The following MEMO1 variants were observed in gnomAD, a reference collection of about 807,000 sequenced individuals.
MEMO1 encodes mediator of cell motility 1.
Under a neutral mutation model 45.2 loss-of-function variants are expected in MEMO1, and 6 were observed. That is an observed-to-expected ratio of 0.13 (90% CI 0.07 to 0.26). The LOEUF (loss-of-function observed/expected upper bound fraction) is 0.26, where lower values mean the gene tolerates loss of function less well. Among genes scored for constraint, MEMO1 ranks in the 10% least tolerant of loss-of-function variants. MEMO1 has a pLI of 1.00. For missense variants in MEMO1, 184 were observed against 370.5 expected, an observed-to-expected ratio of 0.50 and a Z score of 4.13; for synonymous variants, 78 against 124.3, an observed-to-expected ratio of 0.63 and a Z score of 2.48.
At chr2:31,903,290 A>T (rs1319796569) in intron 6 of MEMO1, among the ~76,000 whole-genome samples, 1 of 152,096 alleles carries the variant, frequency 6.6e-6, no homozygotes, top group Non-Finnish European at 1.5e-5. Flanking sequence ...CTGTAACAAC[A>T]ACTACAGTTA....
At chr2:31,957,554 G>A (rs1667546396) in intron 2 of MEMO1, among the ~76,000 whole-genome samples, 1 of 152,008 alleles carries the variant, frequency 6.6e-6, no homozygotes, top group Non-Finnish European at 1.5e-5. Flanking sequence ...TTCCCTATTA[G>A]CAAAAAGGAA....
intron 6 of MEMO1, among the ~76,000 whole-genome samples, chr2:31,914,219 T>C (rs1442814802): frequency 6.6e-6 from 1 of 151,992 alleles, no homozygotes; most frequent in Non-Finnish European, 1.5e-5. Context: ...AGACAAATTA[T>C]CTCCACTGAC....
chr2:31,974,090 GCTCCCTCC>G lies in MEMO1; in HGVS notation c.62-30715_62-30708del, dbSNP rs926861235. ...AGAAACTGCTAATTGTTTCTCGCTC[GCTCCCTCC>G]CTCCCTCCCTCCAATCTTTTGTAAC... On this transcript the variant is annotated intron_variant, in intron 2 of 9. Coordinates refer to ENST00000404530, the MANE Select transcript of MEMO1 (RefSeq NM_001301833.4). Among the ~76,000 whole-genome samples, 16 of 151,982 alleles carry G rather than the reference GCTCCCTCC, an allele frequency of 1.1e-4. No individual in the cohort carries two copies. The South Asian group carries it at 2.7e-3, about 26-fold the overall frequency.
At chr2:31,984,731 G>A (rs1230468303) in intron 2 of MEMO1, among the ~76,000 whole-genome samples, 4 of 152,314 alleles carry the variant, frequency 2.6e-5, no homozygotes, top group African/African-American at 9.6e-5. Context: ...GTGTGAACCC[G>A]GGAGACAGAG....
chr2:31,900,470 G>A (rs1678617423), intron 6 of MEMO1, among the ~76,000 whole-genome samples: 3 of 151,980 alleles, frequency 2.0e-5, no homozygotes, highest in African/African-American at 7.3e-5. Flanking sequence ...CATTAACTGG[G>A]GCTTTAACAG....
At chr2:31,976,786 A>C (rs1670053583) in intron 2 of MEMO1, among the ~76,000 whole-genome samples, 1 of 152,148 alleles carries the variant, frequency 6.6e-6, no homozygotes, top group Middle Eastern at 3.2e-3. Context: ...AAAATATTTC[A>C]AGCAAGAGTA....
intron 2 of MEMO1, among the ~76,000 whole-genome samples, chr2:31,995,217 C>G (rs757990974): frequency 6.6e-6 from 1 of 151,908 alleles, no homozygotes; most frequent in Admixed American, 6.6e-5. Flanking sequence ...TTTGGGAGGC[C>G]GAGGCGGGTG....
At chr2:31,923,338 A>C (rs900739205) in intron 4 of MEMO1, among the ~76,000 whole-genome samples, 1 of 152,080 alleles carries the variant, frequency 6.6e-6, no homozygotes, top group Non-Finnish European at 1.5e-5. Context: ...CGTTAATTTA[A>C]GTTCCTTATA....
In MEMO1 at chr2:31,993,949, C is replaced by CTTTTTTTTTT. The variant is rs397800267; in HGVS notation, c.61+16228_61+16237dup. ...AATACAGAAATATCATCAATACTTTCTTTTTTTTTTTTTTTTTTTTTTTTT... is the reference window on the plus strand; with the variant it reads ...AATACAGAAATATCATCAATACTTTCTTTTTTTTTTTTTTTTTTTTTTTTTTTTTTTTTTT... On this transcript the variant is annotated intron_variant, in intron 2 of 9. Transcript: ENST00000404530. 6.1e-4 allele frequency among the ~76,000 whole-genome samples: 45 copies of CTTTTTTTTTT among 73,606 alleles called. 9 individuals are homozygous for CTTTTTTTTTT. The highest frequency in any genetic ancestry group is 1.3e-3 in the South Asian group (2 of 1,546). The allele number at this position is 73,606 out of a possible 152,430, so 48.3% of individuals were successfully genotyped here. A position where few individuals can be genotyped will look rare whatever the true frequency, so the allele number is the denominator to read the frequency against.
intron 2 of MEMO1, among the ~76,000 whole-genome samples, chr2:31,964,899 A>G (rs1028671888): frequency 6.6e-6 from 1 of 151,792 alleles, no homozygotes; most frequent in African/African-American, 2.4e-5. Flanking sequence ...AGAGCTATAT[A>G]CTGGAATGTC....
chr2:31,987,933 T>C (rs1299589454), intron 2 of MEMO1, among the ~76,000 whole-genome samples: 1 of 152,190 alleles, frequency 6.6e-6, no homozygotes, highest in African/African-American at 2.4e-5. Flanking sequence ...CTGTAATTTA[T>C]AAATTACTTC....
intron 4 of MEMO1, among the ~76,000 whole-genome samples, chr2:31,929,431 C>G (rs1683621334): frequency 6.6e-6 from 1 of 152,130 alleles, no homozygotes. Context: ...CTCTTCCCAA[C>G]AATGTCTCAT....
intron 2 of MEMO1, among the ~76,000 whole-genome samples, chr2:31,950,916 A>G (rs1026537131): frequency 6.6e-6 from 1 of 152,200 alleles, no homozygotes; most frequent in African/African-American, 2.4e-5. Flanking sequence ...GTCATCAGCA[A>G]TCCTTGTTTT....
At chr2:31,877,867 T>C (rs1303482545) in intron 8 of MEMO1, among the ~76,000 whole-genome samples, 3 of 152,200 alleles carry the variant, frequency 2.0e-5, no homozygotes, top group Non-Finnish European at 4.4e-5. Flanking sequence ...GGTTTTAAAC[T>C]GCGTACAGGA....
At chr2:31,922,528 T>C (rs533654701) in intron 4 of MEMO1, among the ~76,000 whole-genome samples, 2 of 152,244 alleles carry the variant, frequency 1.3e-5, no homozygotes, top group East Asian at 3.9e-4. Context: ...GTTTGTAATA[T>C]AGGTAAATTA....
intron 2 of MEMO1, among the ~76,000 whole-genome samples, chr2:31,950,871 T>C (rs1350280265): frequency 2.0e-5 from 3 of 152,208 alleles, no homozygotes; most frequent in Non-Finnish European, 4.4e-5. Flanking sequence ...TCCTCAACAT[T>C]CACAATCTGA....
intron 2 of MEMO1, among the ~76,000 whole-genome samples, chr2:31,980,903 A>G (rs1042084973): frequency 6.6e-6 from 1 of 152,224 alleles, no homozygotes; most frequent in African/African-American, 2.4e-5. Context: ...CAGATGACTA[A>G]ATCAGGAAGA....
chr2:31,983,939 T>A (rs1670962911), intron 2 of MEMO1, among the ~76,000 whole-genome samples: 1 of 152,216 alleles, frequency 6.6e-6, no homozygotes, highest in African/African-American at 2.4e-5. Context: ...TAGCTAAGGC[T>A]GAAAAATTCT....
intron 3 of MEMO1, among the ~76,000 whole-genome samples, chr2:31,939,152 T>C (rs1164551434): frequency 6.6e-6 from 1 of 152,042 alleles, no homozygotes; most frequent in East Asian, 1.9e-4. Context: ...AATAATTACT[T>C]CTGGAAACCA....
Sources: gnomAD v4.1 joint callset for allele counts (sites outside exome capture counted in the v4.1 genomes callset) on GRCh38, gnomAD v4.1.1 for gene constraint, MANE v1.5 for transcripts, NCBI Gene and HGNC (gene_info 2026-07-23, HGNC 2026-07-21) for gene names.